The following SBF2 variants were observed in gnomAD, a reference collection of about 807,000 sequenced individuals.
SBF2 encodes the protein myotubularin-related protein 13.
A neutral mutation model predicts 225.2 loss-of-function variants in SBF2; 112 were observed. The ratio of observed to expected loss-of-function variants is 0.50; its 90% CI spans 0.43 to 0.58. The LOEUF is 0.58. Among genes scored for constraint, SBF2 ranks in the 20% least tolerant of loss-of-function variants. The pLI is 0.00. For missense variants in SBF2, 1,996 were observed against 2,206.2 expected (o/e 0.90, Z 1.91); for synonymous variants, 763 against 773.3 (o/e 0.99, Z 0.22).
rs1229532841 is a variant in SBF2 at position 9,946,385 on chromosome 11, TG to T, written c.1860+15571del. ...CACCCCCTGAACCTGAAATAAAAAT[TG>T]GGGAAAAAAATGCCAAATCTACAAC... is the stretch of plus-strand genomic sequence containing the variant. On this transcript the variant is annotated intron_variant, in intron 16 of 39. Coordinates refer to ENST00000256190, the MANE Select transcript of SBF2 (RefSeq NM_030962.4). Among the ~76,000 whole-genome samples the T allele has an allele frequency of 2.0e-5, 3 of 151,530 alleles. No homozygotes were observed. The East Asian group carries it at 5.8e-4, about 29-fold the overall frequency.
At chr11:9,813,752 G>T (rs1854315913) in intron 29 of SBF2, among the ~76,000 whole-genome samples, 1 of 152,038 alleles carries the variant, frequency 6.6e-6, no homozygotes, top group African/African-American at 2.4e-5. Flanking sequence ...GACCAGCCTG[G>T]CCAACACGGT....
chr11:9,946,346 C>G (rs372779551), intron 16 of SBF2, among the ~76,000 whole-genome samples: 2 of 152,108 alleles, frequency 1.3e-5, no homozygotes. Flanking sequence ...AACCACATAA[C>G]AAGTCTGCAC....
At chr11:9,991,181 C>T (rs1023709663) in intron 12 of SBF2, among the ~76,000 whole-genome samples, 3 of 152,052 alleles carry the variant, frequency 2.0e-5, no homozygotes, top group African/African-American at 7.2e-5. Context: ...AATCAATAAC[C>T]AATCATATTA....
chr11:9,870,710 T>C lies in SBF2; in HGVS notation c.1930-12314A>G, dbSNP rs534343826. Reference sequence around the variant, plus strand: ...AATTAACCTGGCCGGGCACAGTGGCTCATGCCTGTAATCCCAGCACTTTGG... The same window carrying C: ...AATTAACCTGGCCGGGCACAGTGGCCCATGCCTGTAATCCCAGCACTTTGG... On this transcript the variant is annotated intron_variant, in intron 17 of 39. Coordinates refer to ENST00000256190, the MANE Select transcript of SBF2 (RefSeq NM_030962.4). Among the ~76,000 whole-genome samples the C allele has an allele frequency of 3.3e-5, 5 of 152,308 alleles. No homozygotes were observed. The East Asian group carries it at 7.7e-4, about 24-fold the overall frequency.
chr11:10,203,655 T>C (rs532465604), intron 1 of SBF2, among the ~76,000 whole-genome samples: 3 of 151,034 alleles, frequency 2.0e-5, no homozygotes, highest in African/African-American at 7.2e-5. Context: ...TGAAATAGAC[T>C]CCAAAATGAT....
chr11:9,882,795 CAAAAAAAAAAAAA>C (rs56699466), intron 17 of SBF2, among the ~76,000 whole-genome samples: 66 of 90,104 alleles, frequency 7.3e-4, no homozygotes, highest in East Asian at 3.4e-3. Context: ...GTGACAGAGT[CAAAAAAAAAAAAA>C]AAAAAAAAAA....
chr11:10,271,602 G>T (rs1482864511), intron 1 of SBF2, among the ~76,000 whole-genome samples: 3 of 137,502 alleles, frequency 2.2e-5, no homozygotes, highest in East Asian at 2.0e-4. Flanking sequence ...CATGAGAAAA[G>T]AACAAATTTT....
Position 9,967,971 on chromosome 11 carries a change from C to CTCTCTA in SBF2, c.1600+369_1600+370insTAGAGA, listed in dbSNP as rs1260685462. 1.8e-3 allele frequency among the ~76,000 whole-genome samples: 167 copies of CTCTCTA among 91,478 alleles called. 3 individuals are homozygous for CTCTCTA. The highest frequency in any genetic ancestry group is 0.013 in the Middle Eastern group (2 of 156). The allele number at this position is 91,478 out of a possible 152,430, so 60.0% of individuals were successfully genotyped here. A position where few individuals can be genotyped will look rare whatever the true frequency, so the allele number is the denominator to read the frequency against. ...TGTCTCTCTCTCTCTCTCTCTCTCT[C>CTCTCTA]TATATATATATATATATATAAAATA... On this transcript the variant is annotated intron_variant, in intron 14 of 39. Coordinates refer to ENST00000256190, the MANE Select transcript of SBF2 (RefSeq NM_030962.4).
intron 1 of SBF2, among the ~76,000 whole-genome samples, chr11:10,269,682 A>T (rs2135532789): frequency 6.6e-6 from 1 of 152,328 alleles, no homozygotes; most frequent in South Asian, 2.1e-4. Context: ...GAGACAGAAA[A>T]ATTAAGTAAC....
chr11:10,080,863 G>C (rs1951338484), intron 2 of SBF2, among the ~76,000 whole-genome samples: 1 of 151,800 alleles, frequency 6.6e-6, no homozygotes. Context: ...TAAAAAAAAG[G>C]AAGTCTTTAT....
chr11:10,275,791 T>G (rs1962913007), intron 1 of SBF2, among the ~76,000 whole-genome samples: 1 of 152,208 alleles, frequency 6.6e-6, no homozygotes, highest in Non-Finnish European at 1.5e-5. Context: ...CTATAGGCTC[T>G]ATCCATTTTT....
chr11:9,808,909 T>C lies in SBF2; in HGVS notation c.4249A>G (p.Thr1417Ala). The C allele has an allele frequency of 6.2e-7, 1 of 1,609,632 alleles. No individual in the cohort carries two copies. The highest frequency in any genetic ancestry group is 8.5e-7 in the Non-Finnish European group (1 of 1,175,928). The change falls in exon 31 of 40, where the codon ACT becomes GCT. Residue 1417 changes from threonine to alanine, a missense_variant. By Grantham distance (58) the Thr-to-Ala change is moderately conservative. Coordinates refer to ENST00000256190, the MANE Select transcript of SBF2 (RefSeq NM_030962.4). ...TATGTCTAATAGTTTACTTGTGCAG[T>C]GATGTCCCAGCCTTCCTCCAAACAG... ...LVCLEEGWDITAQVTSLVQLL... is the reference protein window; with the variant it reads ...LVCLEEGWDIAAQVTSLVQLL...
chr11:10,102,048 T>C (rs1043412636), intron 2 of SBF2, among the ~76,000 whole-genome samples: 7 of 152,214 alleles, frequency 4.6e-5, no homozygotes. Context: ...CACGTGATTT[T>C]AGTAATTTTC....
intron 16 of SBF2, among the ~76,000 whole-genome samples, chr11:9,951,750 G>C (rs578257871): frequency 6.6e-6 from 1 of 152,276 alleles, no homozygotes; most frequent in Non-Finnish European, 1.5e-5. Flanking sequence ...GAAGGAAGAG[G>C]ACAGGACAAT....
intron 2 of SBF2, among the ~76,000 whole-genome samples, chr11:10,188,869 A>G (rs1250392701): frequency 6.6e-6 from 1 of 152,224 alleles, no homozygotes; most frequent in Non-Finnish European, 1.5e-5. Flanking sequence ...TGTTGTGAAC[A>G]TAACTTTTAA....
chr11:10,164,441 T>C (rs916831276), intron 2 of SBF2, among the ~76,000 whole-genome samples: 1 of 152,188 alleles, frequency 6.6e-6, no homozygotes, highest in Non-Finnish European at 1.5e-5. Context: ...TCACATTTCC[T>C]ATTCAAAAGA....
In SBF2 at chr11:9,897,049, A is replaced by G. The variant is rs533432389; in HGVS notation, c.1861-1038T>C. On this transcript the variant is annotated intron_variant, in intron 16 of 39. Transcript: ENST00000256190. Reference sequence around the variant, plus strand: ...AAAATAATGGAAAACAAGAACTCAAACAGGTTTTTGTATACTCATGTTCAC... The same window carrying G: ...AAAATAATGGAAAACAAGAACTCAAGCAGGTTTTTGTATACTCATGTTCAC... 2.0e-5 allele frequency among the ~76,000 whole-genome samples: 3 copies of G among 152,250 alleles called. No homozygotes were observed. The South Asian group carries it at 6.2e-4, about 32-fold the overall frequency.
intron 2 of SBF2, among the ~76,000 whole-genome samples, chr11:10,050,338 C>G (rs58842960): frequency 0.069 from 10,522 of 152,152 alleles, 542 homozygotes; most frequent in East Asian, 0.28. Flanking sequence ...CCCCTCTTAT[C>G]CATGGAGGAT....
chr11:10,286,166 G>GCACACACA lies in SBF2; in HGVS notation c.55+7841_55+7848dup, dbSNP rs57445416. On this transcript the variant is annotated intron_variant, in intron 1 of 39. Coordinates refer to ENST00000256190, the MANE Select transcript of SBF2 (RefSeq NM_030962.4). Reference sequence around the variant, plus strand: ...AATTTCTTCACATAAACACGCACACGCACACACACACACACACACACACAC... The same window carrying GCACACACA: ...AATTTCTTCACATAAACACGCACACGCACACACACACACACACACACACACACACACAC... Among the ~76,000 whole-genome samples the GCACACACA allele has an allele frequency of 3.7e-3, 544 of 147,350 alleles. 2 individuals are homozygous for GCACACACA. Among genetic ancestry groups the GCACACACA allele is most frequent in the African/African-American group, 0.013 (520 of 39,854 alleles).
Sources: gnomAD v4.1 joint callset for allele counts (sites outside exome capture counted in the v4.1 genomes callset) on GRCh38, gnomAD v4.1.1 for gene constraint, MANE v1.5 for transcripts, NCBI Gene and HGNC (gene_info 2026-07-23, HGNC 2026-07-21) for gene names.